PARD3B: variants seen among roughly 807,000 people sequenced by gnomAD.
PARD3B encodes partitioning defective 3 homolog B.
In PARD3B, 103 loss-of-function variants were observed where a neutral mutation model predicts 130.2. The observed-to-expected ratio is 0.79, with a 90% CI of 0.67 to 0.93. PARD3B has a LOEUF of 0.93. Among genes scored for constraint, PARD3B ranks in the 40% least tolerant of loss-of-function variants. The pLI is 0.00. For missense variants in PARD3B, 1,609 were observed against 1,499.2 expected (o/e 1.07, Z -1.21); for synonymous variants, 583 against 553.2 (o/e 1.05, Z -0.76).
At chr2:205,131,618 A>G (rs994794407) in intron 10 of PARD3B, among the ~76,000 whole-genome samples, 8 of 152,222 alleles carry the variant, frequency 5.3e-5, no homozygotes, top group Non-Finnish European at 8.8e-5. Flanking sequence ...AAAGTATGTC[A>G]GGAACCAAGA....
At chr2:204,948,348 CAAAT>C (rs1689496676) in intron 2 of PARD3B, among the ~76,000 whole-genome samples, 1 of 152,170 alleles carries the variant, frequency 6.6e-6, no homozygotes, top group Non-Finnish European at 1.5e-5. Context: ...TTGGCAGCTA[CAAAT>C]AAATAATGTT....
chr2:204,850,510 A>ATG (rs996121309), intron 2 of PARD3B, among the ~76,000 whole-genome samples: 7 of 151,908 alleles, frequency 4.6e-5, no homozygotes, highest in African/African-American at 1.7e-4. Context: ...GTATATATAT[A>ATG]TGTGTGTGAT....
chr2:205,065,423 A>G (rs556068788), intron 4 of PARD3B, among the ~76,000 whole-genome samples: 43 of 152,342 alleles, frequency 2.8e-4, no homozygotes, highest in African/African-American at 1.0e-3. Flanking sequence ...ACATGGCCAT[A>G]AAGATATCCT....
intron 1 of PARD3B, among the ~76,000 whole-genome samples, chr2:204,627,971 A>C (rs950112192): frequency 1.8e-4 from 23 of 125,520 alleles, no homozygotes; most frequent in African/African-American, 6.2e-4. Flanking sequence ...TTAAAACACT[A>C]TGAGTTTTTT....
At chr2:204,597,797 C>G (rs1343047934) in intron 1 of PARD3B, among the ~76,000 whole-genome samples, 1 of 152,068 alleles carries the variant, frequency 6.6e-6, no homozygotes, top group East Asian at 1.9e-4. Context: ...TTTATAGACC[C>G]TTGGTATTAT....
intron 2 of PARD3B, among the ~76,000 whole-genome samples, chr2:204,958,154 A>C (rs540822713): frequency 6.6e-6 from 1 of 152,280 alleles, no homozygotes; most frequent in African/African-American, 2.4e-5. Flanking sequence ...ACTCTGTAGC[A>C]TTTGGATGAT....
intron 19 of PARD3B, among the ~76,000 whole-genome samples, chr2:205,423,629 C>A (rs967001913): frequency 6.6e-6 from 1 of 152,158 alleles, no homozygotes; most frequent in Non-Finnish European, 1.5e-5. Flanking sequence ...ATGTTCATTG[C>A]AACCCTATTC....
chr2:205,580,004 T>TTCTGTGAAGTGAAGTCACA (rs1174099028), intron 22 of PARD3B, among the ~76,000 whole-genome samples: 3 of 152,192 alleles, frequency 2.0e-5, no homozygotes, highest in Non-Finnish European at 4.4e-5. Flanking sequence ...TAGATTTCAC[T>TTCTGTGAAGTGAAGTCACA]GACATTCCTT....
At chr2:204,612,507 T>C (rs1000308474) in intron 1 of PARD3B, among the ~76,000 whole-genome samples, 1 of 152,236 alleles carries the variant, frequency 6.6e-6, no homozygotes, top group African/African-American at 2.4e-5. Context: ...TCTTTGATCT[T>C]CTTAGCTTTT....
At chr2:205,113,327 A>G (rs1015951544) in intron 5 of PARD3B, among the ~76,000 whole-genome samples, 164 bp from the exon 6 acceptor site, 1 of 152,118 alleles carries the variant, frequency 6.6e-6, no homozygotes, top group Non-Finnish European at 1.5e-5. Flanking sequence ...GATCATCTGA[A>G]CATACCAATA....
At chr2:205,137,528 A>G (rs556746483) in intron 10 of PARD3B, among the ~76,000 whole-genome samples, 4 of 152,364 alleles carry the variant, frequency 2.6e-5, no homozygotes, top group African/African-American at 9.6e-5. Flanking sequence ...TATAAGTTCT[A>G]TGTTTTAGTT....
At chr2:205,197,097 G>A (rs1372285943) in intron 15 of PARD3B, among the ~76,000 whole-genome samples, 2 of 150,098 alleles carry the variant, frequency 1.3e-5, no homozygotes, top group Non-Finnish European at 3.0e-5. Flanking sequence ...GAGAGAGCAT[G>A]CACATTAATT....
intron 2 of PARD3B, among the ~76,000 whole-genome samples, chr2:204,826,670 A>G (rs1025250346): frequency 6.6e-6 from 1 of 152,120 alleles, no homozygotes; most frequent in Admixed American, 6.5e-5. Context: ...TTCCACATAT[A>G]TATGTGAAAA....
chr2:204,746,522 G>C (rs1218990805), intron 2 of PARD3B, among the ~76,000 whole-genome samples: 1 of 152,070 alleles, frequency 6.6e-6, no homozygotes. Context: ...GGGTCAAATG[G>C]TATTTCTAGT....
At chr2:204,889,263 C>T (rs955369862) in intron 2 of PARD3B, among the ~76,000 whole-genome samples, 1 of 152,206 alleles carries the variant, frequency 6.6e-6, no homozygotes, top group East Asian at 1.9e-4. Flanking sequence ...AAGGTCTTCT[C>T]TGCTCTTCAT....
intron 10 of PARD3B, among the ~76,000 whole-genome samples, chr2:205,144,062 G>T (rs1260796666): frequency 6.6e-6 from 1 of 152,158 alleles, no homozygotes; most frequent in Non-Finnish European, 1.5e-5. Flanking sequence ...TAGCCCCATG[G>T]TGTTTGGAGA....
chr2:205,124,574 C>A, intron 9 of PARD3B, 108 bp downstream of exon 9: 2 of 774,876 alleles, frequency 2.6e-6, no homozygotes. Flanking sequence ...TATTTTGAAC[C>A]TAATATATAT....
At chr2:204,812,246 G>C (rs990293017) in intron 2 of PARD3B, among the ~76,000 whole-genome samples, 2 of 152,064 alleles carry the variant, frequency 1.3e-5, no homozygotes, top group African/African-American at 2.4e-5. Flanking sequence ...GATATACCAC[G>C]GTTTGATTGT....
At chr2:204,706,883 A>G (rs1574764456) in intron 2 of PARD3B, among the ~76,000 whole-genome samples, 5 of 152,310 alleles carry the variant, frequency 3.3e-5, no homozygotes, top group East Asian at 3.9e-4. Context: ...TGAAATAATG[A>G]TGATAAATAG....
Sources: gnomAD v4.1 joint callset for allele counts (sites outside exome capture counted in the v4.1 genomes callset) on GRCh38, gnomAD v4.1.1 for gene constraint, MANE v1.5 for transcripts, NCBI Gene and HGNC (gene_info 2026-07-23, HGNC 2026-07-21) for gene names.